The following DDHD1 variants were observed in gnomAD, a reference collection of about 807,000 sequenced individuals.
DDHD1 encodes the protein DDHD domain containing 1, also known as phospholipase DDHD1.
In DDHD1, 49 loss-of-function variants were observed where a neutral mutation model predicts 96.4. The ratio of observed to expected loss-of-function variants is 0.51; its 90% confidence interval spans 0.40 to 0.64. DDHD1 has a LOEUF of 0.64. DDHD1 is among the 30% of genes least tolerant of loss of function. The probability of loss-of-function intolerance (pLI) is 0.00; values close to 1 mark genes in which losing one functional copy is unlikely to be tolerated. For missense variants in DDHD1, 1,106 were observed against 1,161.2 expected, an observed-to-expected ratio of 0.95 and a Z score of 0.69; for synonymous variants, 442 against 446.5, an observed-to-expected ratio of 0.99 and a Z score of 0.13.
At chr14:53,085,483 C>T (rs553826379) in intron 4 of DDHD1, among the ~76,000 whole-genome samples, 2 of 152,134 alleles carry the variant, frequency 1.3e-5, no homozygotes, top group Non-Finnish European at 2.9e-5. Flanking sequence ...CTGCAGACTC[C>T]GCTGGTAATA....
At chr14:53,141,643 A>G (rs1890647894) in intron 1 of DDHD1, among the ~76,000 whole-genome samples, 1 of 152,266 alleles carries the variant, frequency 6.6e-6, no homozygotes, top group Non-Finnish European at 1.5e-5. Flanking sequence ...AGAGGCAATC[A>G]GAAGCTGAAG....
At chr14:53,069,698 C>A (rs1884348557) in intron 6 of DDHD1, among the ~76,000 whole-genome samples, 3 of 152,128 alleles carry the variant, frequency 2.0e-5, no homozygotes, top group African/African-American at 7.2e-5. Flanking sequence ...ACTTACAACA[C>A]ACATGCATAT....
chr14:53,152,373 C>G lies in DDHD1; in HGVS notation c.726G>C (p.Thr242=). The change falls in exon 1 of 13, where the codon ACG becomes ACC. Residue 242 remains threonine, a synonymous_variant. Coordinates refer to ENST00000673822, the MANE Select transcript of DDHD1 (RefSeq NM_001160148.2). ...DRACGFCQST[T]GHEPEMVELV... ...GCTCCACCATCTCCGGCTCGTGCCC[C>G]GTCGTACTCTGGCAGAAGCCGCAGG... is the stretch of plus-strand genomic sequence containing the variant. 1 of 1,613,846 alleles carries G rather than the reference C, an allele frequency of 6.2e-7. No homozygotes were observed. Among genetic ancestry groups the G allele is most frequent in the Non-Finnish European group, 8.5e-7 (1 of 1,179,976 alleles).
intron 1 of DDHD1, among the ~76,000 whole-genome samples, chr14:53,104,067 C>T (rs1167746287): frequency 6.6e-6 from 1 of 152,122 alleles, no homozygotes; most frequent in East Asian, 1.9e-4. Context: ...AGTGTGACCA[C>T]AGCTCACTGC....
intron 9 of DDHD1, among the ~76,000 whole-genome samples, chr14:53,056,402 G>A (rs1253016957): frequency 3.9e-5 from 6 of 152,184 alleles, no homozygotes; most frequent in African/African-American, 1.2e-4. Context: ...TACGGCATCA[G>A]AATCCCCCAA....
chr14:53,110,697 T>G (rs1218637512), intron 1 of DDHD1, among the ~76,000 whole-genome samples: 1 of 152,204 alleles, frequency 6.6e-6, no homozygotes, highest in African/African-American at 2.4e-5. Flanking sequence ...CTATCATAGC[T>G]AGGCGTGGTG....
At chr14:53,089,877 T>C (rs1319166235) in intron 4 of DDHD1, among the ~76,000 whole-genome samples, 1 of 152,014 alleles carries the variant, frequency 6.6e-6, no homozygotes, top group Non-Finnish European at 1.5e-5. Context: ...ACAAAAGGGA[T>C]CTAATTAAAC....
At position 53,045,766 on chromosome 14, in the gene DDHD1, G is replaced by A. The variant is rs1881964907; in HGVS notation, c.*1002C>T. The A allele has an allele frequency of 6.6e-6, 1 of 152,134 alleles. No homozygotes were observed. Among genetic ancestry groups the A allele is most frequent in the Non-Finnish European group, 1.5e-5 (1 of 68,034 alleles). 9.4% of individuals were successfully genotyped at this position (152,134 alleles called of 1,614,324 possible). A position where few individuals can be genotyped will look rare whatever the true frequency, so the allele number is the denominator to read the frequency against. On this transcript the variant is annotated 3_prime_UTR_variant, in exon 13 of 13. Transcript: ENST00000673822. ...AGAATCCTGACTTACTGTGCCTTGT[G>A]TCTCAATGGCACATTGAGAAACAAT...
chr14:53,138,415 C>G (rs145673454), intron 1 of DDHD1, among the ~76,000 whole-genome samples: 1 of 151,924 alleles, frequency 6.6e-6, no homozygotes, highest in Non-Finnish European at 1.5e-5. Context: ...GGCAACAGAG[C>G]GAGACTCTGT....
At chr14:53,061,422 CTGT>C (rs767759922) in intron 7 of DDHD1, 2 of 396,084 alleles carry the variant, frequency 5.0e-6, no homozygotes, top group Non-Finnish European at 8.9e-6. Flanking sequence ...ATGATACCTG[CTGT>C]TAACAGCTTT....
At chr14:53,064,543 T>C (rs771865132) in intron 6 of DDHD1, among the ~76,000 whole-genome samples, 3 of 152,044 alleles carry the variant, frequency 2.0e-5, no homozygotes, top group Non-Finnish European at 4.4e-5. Context: ...AGTTTGGCAA[T>C]CATATATGGG....
At chr14:53,143,023 T>C (rs1260430309) in intron 1 of DDHD1, among the ~76,000 whole-genome samples, 1 of 152,278 alleles carries the variant, frequency 6.6e-6, no homozygotes, top group Non-Finnish European at 1.5e-5. Context: ...TTATAGAACT[T>C]ACTATTCATC....
rs771145042 is a variant in DDHD1 at position 53,062,956 on chromosome 14, T to C, written c.1753A>G (p.Ile585Val). 1.4e-5 allele frequency: 23 copies of C among 1,613,920 alleles called. No individual in the cohort carries two copies. In the East Asian group the frequency reaches 4.2e-4, roughly 30 times the overall value. ...EERHLLDELY[I>V]TKRRLKEIEE... ...AGGATATTTTACCGTCGTTTAGTTA[T>C]ATAGAGTTCATCAAGAAGATGTCGT... The change falls in exon 7 of 13, where the codon ATA becomes GTA. Residue 585 changes from isoleucine (I) to valine (V), a missense_variant. By Grantham distance (29) the Ile-to-Val change is conservative. Transcript: ENST00000673822.
intron 1 of DDHD1, among the ~76,000 whole-genome samples, chr14:53,140,403 C>T (rs188397195): frequency 1.6e-3 from 237 of 152,082 alleles, no homozygotes; most frequent in Middle Eastern, 3.4e-3. Flanking sequence ...GTGTGGTGTA[C>T]GCCTGTAATC....
intron 6 of DDHD1, among the ~76,000 whole-genome samples, chr14:53,071,912 G>T (rs1395159083): frequency 6.6e-6 from 1 of 152,102 alleles, no homozygotes; most frequent in Non-Finnish European, 1.5e-5. Flanking sequence ...TTCAAATACT[G>T]GCTCTGCCAC....
chr14:53,071,359 A>AG (rs1010325890), intron 6 of DDHD1, among the ~76,000 whole-genome samples: 1 of 152,010 alleles, frequency 6.6e-6, no homozygotes, highest in African/African-American at 2.4e-5. Flanking sequence ...CTTTTTTCAG[A>AG]GGGAAAAAAA....
At chr14:53,140,877 T>C (rs907831074) in intron 1 of DDHD1, among the ~76,000 whole-genome samples, 3 of 152,160 alleles carry the variant, frequency 2.0e-5, no homozygotes, top group African/African-American at 7.2e-5. Context: ...CAGGAAAAGA[T>C]ACAAATTGCA....
At chr14:53,057,918 C>T (rs997915811) in intron 9 of DDHD1, among the ~76,000 whole-genome samples, 2 of 151,814 alleles carry the variant, frequency 1.3e-5, no homozygotes, top group African/African-American at 2.4e-5. Context: ...GGCACAATCT[C>T]GGCTAACCGC....
intron 1 of DDHD1, among the ~76,000 whole-genome samples, chr14:53,119,972 G>C (rs1487730400): frequency 1.3e-5 from 2 of 152,146 alleles, no homozygotes; most frequent in African/African-American, 4.8e-5. Context: ...ACAAGAGAAA[G>C]AAATAAAGGG....
Sources: gnomAD v4.1 joint callset for allele counts (sites outside exome capture counted in the v4.1 genomes callset) on GRCh38, gnomAD v4.1.1 for gene constraint, MANE v1.5 for transcripts, NCBI Gene and HGNC (gene_info 2026-07-23, HGNC 2026-07-21) for gene names.